SIMC1: variants seen among roughly 807,000 people sequenced by gnomAD.
SIMC1 encodes SUMO interacting motifs containing 1.
SIMC1 carries 55 observed loss-of-function variants against 82.3 expected under a neutral mutation model. The ratio of observed to expected loss-of-function variants is 0.67; its 90% CI spans 0.54 to 0.84. The LOEUF is 0.84. Ranked by LOEUF, SIMC1 falls within the 40% of genes least tolerant of loss-of-function variation. SIMC1 has a pLI of 0.00. For missense variants in SIMC1, 915 were observed against 1,107.2 expected (o/e 0.83, Z 2.46); for synonymous variants, 353 against 426.3 (o/e 0.83, Z 2.12).
rs57991528 is a variant in SIMC1 at position 176,344,468 on chromosome 5, TACACACACACAC to T, written c.2414-688_2414-677del. ...TGCGGATCACTTGAGGTCAGGAGTA[TACACACACACAC>T]ACACACACACACACACACACACACA... On this transcript the variant is annotated intron_variant, in intron 9 of 9. Coordinates refer to ENST00000429602, the MANE Select transcript of SIMC1 (RefSeq NM_001308195.2). Among the ~76,000 whole-genome samples, 60 of 146,648 alleles carry T rather than the reference TACACACACACAC, an allele frequency of 4.1e-4. 3 individuals carry two copies. The highest frequency in any genetic ancestry group is 2.7e-3 in the Admixed American group (39 of 14,614).
chr5:176,302,293 A>G (rs893844766), intron 4 of SIMC1, among the ~76,000 whole-genome samples: 1 of 152,208 alleles, frequency 6.6e-6, no homozygotes, highest in Non-Finnish European at 1.5e-5. Context: ...GATACACCAT[A>G]TTACAGAATG....
chr5:176,283,116 T>A (rs1763089773), intron 1 of SIMC1, among the ~76,000 whole-genome samples: 1 of 152,134 alleles, frequency 6.6e-6, no homozygotes, highest in Non-Finnish European at 1.5e-5. Context: ...TATCATCCAG[T>A]AGAACTTTCC....
At position 176,324,764 on chromosome 5, in the gene SIMC1, C is replaced by G. The variant is rs1461420236; in HGVS notation, c.2171+7C>G. 2 of 1,578,770 alleles carry G rather than the reference C, an allele frequency of 1.3e-6. No individual in the cohort carries two copies. Among genetic ancestry groups the G allele is most frequent in the Non-Finnish European group, 1.7e-6 (2 of 1,162,876 alleles). On this transcript the variant is annotated splice_region_variant and intron_variant, in intron 7 of 9. Coordinates refer to ENST00000429602, the MANE Select transcript of SIMC1 (RefSeq NM_001308195.2). ...TTCCTGAGAGGAGCCAGAGGTGAGT[C>G]TTGATTTTGTTGGGGAGAGCAGTTA...
At chr5:176,252,315 C>T (rs1376869148) in intron 1 of SIMC1, among the ~76,000 whole-genome samples, 19 of 152,082 alleles carry the variant, frequency 1.2e-4, no homozygotes, top group East Asian at 3.9e-4. Flanking sequence ...GGAGACGCTC[C>T]GGGCAGAGAC....
intron 1 of SIMC1, among the ~76,000 whole-genome samples, chr5:176,285,182 C>CA (rs1471930136): frequency 6.6e-6 from 1 of 151,880 alleles, no homozygotes; most frequent in African/African-American, 2.4e-5. Flanking sequence ...GAGACACAAC[C>CA]AAAAAAGAGA....
intron 7 of SIMC1, among the ~76,000 whole-genome samples, chr5:176,334,687 G>A (rs534451988): frequency 1.1e-4 from 16 of 152,272 alleles, no homozygotes; most frequent in African/African-American, 3.6e-4. Flanking sequence ...TGCCCAAGAA[G>A]CCCCCTCTCT....
At chr5:176,327,781 A>G (rs1018829681) in intron 7 of SIMC1, among the ~76,000 whole-genome samples, 2 of 152,098 alleles carry the variant, frequency 1.3e-5, no homozygotes, top group African/African-American at 2.4e-5. Flanking sequence ...CTAGTGTATT[A>G]TTTTTACGAA....
chr5:176,331,521 G>A (rs1047683919), intron 7 of SIMC1, among the ~76,000 whole-genome samples: 68 of 151,240 alleles, frequency 4.5e-4, no homozygotes, highest in Admixed American at 1.3e-4. Flanking sequence ...CACCATGTTG[G>A]CCAGGCTGGT....
chr5:176,250,028 T>A (rs572554460), intron 1 of SIMC1, among the ~76,000 whole-genome samples: 1 of 152,232 alleles, frequency 6.6e-6, no homozygotes, highest in Admixed American at 6.5e-5. Context: ...CAATTTTAGA[T>A]CTTTCCGGCT....
intron 1 of SIMC1, 123 bp from the exon 2 acceptor site, chr5:176,289,531 G>A: frequency 1.3e-6 from 1 of 750,346 alleles, no homozygotes; most frequent in Non-Finnish European, 2.1e-6. Flanking sequence ...CACAAGATGT[G>A]TAACTTATCA....
chr5:176,323,389 C>T (rs2113372146), intron 6 of SIMC1, among the ~76,000 whole-genome samples: 1 of 152,236 alleles, frequency 6.6e-6, no homozygotes, highest in East Asian at 1.9e-4. Context: ...GTAGAAATAA[C>T]AATAGGGTCC....
chr5:176,324,126 G>T (rs1225949925), intron 6 of SIMC1, among the ~76,000 whole-genome samples: 1 of 152,124 alleles, frequency 6.6e-6, no homozygotes, highest in Admixed American at 6.5e-5. Context: ...TAATGGGAGA[G>T]AAGGTCAGGT....
chr5:176,317,461 A>T (rs1021943418), intron 5 of SIMC1, among the ~76,000 whole-genome samples: 11 of 152,128 alleles, frequency 7.2e-5, no homozygotes, highest in Non-Finnish European at 1.6e-4. Flanking sequence ...ATACCCCCAT[A>T]TGGCAAAATA....
intron 1 of SIMC1, among the ~76,000 whole-genome samples, chr5:176,272,172 C>CAAAAAAAAAAA (rs1162307977): frequency 5.0e-5 from 1 of 19,966 alleles, no homozygotes; most frequent in African/African-American, 1.4e-4. Context: ...CCCATCTCTA[C>CAAAAAAAAAAA]AAAAAAAAAA....
At chr5:176,291,882 T>C (rs562307106) in intron 2 of SIMC1, among the ~76,000 whole-genome samples, 6 of 152,318 alleles carry the variant, frequency 3.9e-5, no homozygotes, top group East Asian at 1.9e-4. Flanking sequence ...AGGCTCATCG[T>C]AGGCCTTATG....
intron 1 of SIMC1, among the ~76,000 whole-genome samples, chr5:176,283,544 G>A (rs111739825): frequency 6.6e-6 from 1 of 152,068 alleles, no homozygotes; most frequent in African/African-American, 2.4e-5. Context: ...TGGAAAGGAA[G>A]AACCGTTAGC....
Position 176,313,715 on chromosome 5 carries a change from C to G in SIMC1, c.1759C>G (p.Leu587Val). Residue 587 changes from leucine to valine, a missense_variant, in exon 5 of 10, where the codon CTT (leucine) becomes GTT (valine). Leu to Val is a conservative substitution (Grantham distance 32, BLOSUM62 1). Transcript: ENST00000429602. ...EEGQTLPGRV[L>V]FLRYVVQTLE... Reference sequence around the variant, plus strand: ...GGGACAAACTCTGCCTGGGCGAGTCCTTTTCCTGCGTTATGTCGTTCAGAC... The same window carrying G: ...GGGACAAACTCTGCCTGGGCGAGTCGTTTTCCTGCGTTATGTCGTTCAGAC... The G allele has an allele frequency of 6.2e-7, 1 of 1,613,930 alleles. No homozygotes were observed. The highest frequency in any genetic ancestry group is 1.1e-5 in the South Asian group (1 of 91,056).
At chr5:176,341,320 A>G (rs1163572502) in intron 9 of SIMC1, among the ~76,000 whole-genome samples, 2 of 152,228 alleles carry the variant, frequency 1.3e-5, no homozygotes, top group African/African-American at 4.8e-5. Flanking sequence ...GAGTAAGGGG[A>G]GAATAACACT....
At chr5:176,256,104 T>G (rs566869413) in intron 1 of SIMC1, among the ~76,000 whole-genome samples, 1 of 152,264 alleles carries the variant, frequency 6.6e-6, no homozygotes, top group Non-Finnish European at 1.5e-5. Flanking sequence ...AGAAGATTCA[T>G]TTTAAAACTG....
Sources: gnomAD v4.1 joint callset for allele counts (sites outside exome capture counted in the v4.1 genomes callset) on GRCh38, gnomAD v4.1.1 for gene constraint, MANE v1.5 for transcripts, NCBI Gene and HGNC (gene_info 2026-07-23, HGNC 2026-07-21) for gene names.